Variants in FILIP1L observed in about 807,000 individuals in gnomAD.
FILIP1L encodes filamin A-interacting protein 1-like.
In FILIP1L, 55 loss-of-function variants were observed where a neutral mutation model predicts 96.6. That is an observed-to-expected ratio of 0.57 (90% CI 0.46 to 0.71). The LOEUF is 0.71. FILIP1L is among the 30% of genes least tolerant of loss of function. FILIP1L has a pLI of 0.00. For missense variants in FILIP1L, 1,304 were observed against 1,321.2 expected (o/e 0.99, Z 0.20); for synonymous variants, 467 against 473.9 (o/e 0.99, Z 0.19).
chr3:100,004,350 G>T (rs570518503), intron 1 of FILIP1L, among the ~76,000 whole-genome samples: 94 of 152,212 alleles, frequency 6.2e-4, no homozygotes, highest in African/African-American at 2.1e-3. Flanking sequence ...TCTATTCTCT[G>T]TGTATTGTGA....
At chr3:99,924,530 T>C (rs1411105886) in intron 3 of FILIP1L, 122 bp from the exon 4 acceptor site, 2 of 1,043,500 alleles carry the variant, frequency 1.9e-6, no homozygotes, top group Admixed American at 2.3e-5. Context: ...TTTTGTTTGT[T>C]TGTTTTGAAA....
chr3:99,983,460 GTGTGTATATA>G lies in FILIP1L; in HGVS notation c.-10-52440_-10-52431del, dbSNP rs1406505006. 8.4e-4 allele frequency among the ~76,000 whole-genome samples: 58 copies of G among 69,358 alleles called. 1 individual carries two copies. The highest frequency in any genetic ancestry group is 2.4e-3 in the African/African-American group (23 of 9,652). 45.5% of individuals were successfully genotyped at this position (69,358 alleles called of 152,430 possible). On this transcript the variant is annotated intron_variant, in intron 1 of 5. Coordinates refer to ENST00000477258, the MANE Select transcript of FILIP1L (RefSeq NM_001387850.1). The stretch of plus-strand genomic sequence containing the variant: ...TATATATGTATGTATATATATATAT[GTGTGTATATA>G]TATATATATATATATATATATATAT...
At chr3:100,045,211 C>G (rs2065260255) in intron 1 of FILIP1L, among the ~76,000 whole-genome samples, 1 of 152,210 alleles carries the variant, frequency 6.6e-6, no homozygotes, top group Non-Finnish European at 1.5e-5. Flanking sequence ...GCATCTATAA[C>G]TTGGAAGTAA....
chr3:99,950,166 T>C (rs1231625564), intron 1 of FILIP1L, among the ~76,000 whole-genome samples: 1 of 152,214 alleles, frequency 6.6e-6, no homozygotes, highest in Admixed American at 6.5e-5. Flanking sequence ...TAACTGTAGA[T>C]AGGACTTTTT....
At chr3:100,108,739 A>G (rs1424051087) in intron 1 of FILIP1L, among the ~76,000 whole-genome samples, 1 of 152,174 alleles carries the variant, frequency 6.6e-6, no homozygotes, top group Non-Finnish European at 1.5e-5. Flanking sequence ...AAGTAAGCAA[A>G]TGAACAAATG....
At chr3:99,952,465 T>C (rs1272120638) in intron 1 of FILIP1L, among the ~76,000 whole-genome samples, 2 of 152,166 alleles carry the variant, frequency 1.3e-5, no homozygotes, top group Non-Finnish European at 2.9e-5. Flanking sequence ...TGAGAACCAG[T>C]GTAAAGAATT....
At position 99,983,401 on chromosome 3, in the gene FILIP1L, T is replaced by A. The variant is rs1210840400; in HGVS notation, c.-10-52371A>T. Among the ~76,000 whole-genome samples the A allele has an allele frequency of 2.4e-3, 259 of 109,150 alleles. 3 individuals carry two copies. The highest frequency in any genetic ancestry group is 9.6e-3 in the African/African-American group (247 of 25,638). The allele number at this position is 109,150 out of a possible 152,430, so 71.6% of individuals were successfully genotyped here. Reference sequence around the variant, plus strand: ...AAATAAATAAATAAATATATATATATATATATATATATATATATGTATGTA... The same window carrying A: ...AAATAAATAAATAAATATATATATAAATATATATATATATATATGTATGTA... On this transcript the variant is annotated intron_variant, in intron 1 of 5. Transcript: ENST00000477258.
chr3:100,051,908 ATG>A (rs1259712363), intron 1 of FILIP1L, among the ~76,000 whole-genome samples: 3 of 148,532 alleles, frequency 2.0e-5, no homozygotes, highest in Non-Finnish European at 3.0e-5. Context: ...ATTTATTAAT[ATG>A]TGTTATTAAA....
At chr3:100,015,382 T>C (rs1053563416) in intron 1 of FILIP1L, among the ~76,000 whole-genome samples, 16 of 152,208 alleles carry the variant, frequency 1.1e-4, no homozygotes, top group Admixed American at 7.9e-4. Flanking sequence ...GGTGGTTTCA[T>C]ACGAATTTTA....
intron 1 of FILIP1L, among the ~76,000 whole-genome samples, chr3:100,052,757 A>G (rs2065395772): frequency 6.6e-6 from 1 of 152,172 alleles, no homozygotes; most frequent in South Asian, 2.1e-4. Context: ...CCTCATGTAA[A>G]CCAGTTGTTT....
At chr3:99,893,266 C>T (rs992501998) in intron 4 of FILIP1L, among the ~76,000 whole-genome samples, 14 of 150,512 alleles carry the variant, frequency 9.3e-5, no homozygotes, top group South Asian at 8.5e-4. Context: ...CCCGGGTTCA[C>T]GCCATTCTCC....
In FILIP1L at chr3:100,095,336, G is replaced by A. The variant is rs2066186470; in HGVS notation, c.-11+18717C>T. On this transcript the variant is annotated intron_variant, in intron 1 of 5. Transcript: ENST00000477258. ...CAATTAGGGATAAATCGACGTGTTT[G>A]CTATGTTAAACACAGTTGGCCCTTC... 2.0e-5 allele frequency among the ~76,000 whole-genome samples: 3 copies of A among 152,172 alleles called. No homozygotes were observed. In the South Asian group the frequency reaches 6.2e-4, roughly 32 times the overall value.
At chr3:99,923,586 C>T (rs1254642430) in intron 4 of FILIP1L, among the ~76,000 whole-genome samples, 1 of 152,216 alleles carries the variant, frequency 6.6e-6, no homozygotes, top group Non-Finnish European at 1.5e-5. Flanking sequence ...CTCCCAACCT[C>T]ATGGCTGTTG....
At chr3:99,934,784 G>A (rs150146244) in intron 1 of FILIP1L, among the ~76,000 whole-genome samples, 136 of 152,320 alleles carry the variant, frequency 8.9e-4, no homozygotes, top group African/African-American at 3.1e-3. Flanking sequence ...TCATTTGCCA[G>A]TGATGATATT....
chr3:100,039,784 T>A (rs1462483531), intron 1 of FILIP1L: 1 of 151,656 alleles, frequency 6.6e-6, no homozygotes, highest in Non-Finnish European at 1.5e-5. Flanking sequence ...GATGGAGTCT[T>A]GTTCTGTTGC....
chr3:99,854,802 T>TA (rs1295140645), intron 4 of FILIP1L, among the ~76,000 whole-genome samples: 2 of 152,212 alleles, frequency 1.3e-5, no homozygotes, highest in Non-Finnish European at 2.9e-5. Context: ...TACTCAGCTT[T>TA]AATTAAACAG....
chr3:99,901,084 A>T (rs1381837665), intron 4 of FILIP1L, among the ~76,000 whole-genome samples: 6 of 152,234 alleles, frequency 3.9e-5, no homozygotes, highest in Admixed American at 2.0e-4. Context: ...TTACCAAAGG[A>T]TTAAACTGTA....
chr3:99,885,955 C>G (rs143418494), intron 4 of FILIP1L, among the ~76,000 whole-genome samples: 1 of 152,358 alleles, frequency 6.6e-6, no homozygotes, highest in Non-Finnish European at 1.5e-5. Flanking sequence ...CAACTAGTAG[C>G]ACTCTTTGTG....
rs187628307 is a variant in FILIP1L, at chr3:99,844,267, T to G, written c.3381+4028A>C. On this transcript the variant is annotated intron_variant, in intron 5 of 5. Coordinates refer to ENST00000477258, the MANE Select transcript of FILIP1L (RefSeq NM_001387850.1). ...TTTCTGGGCCCTACGCCCCCAGAGG[T>G]TCTCATTGGATAGCTCTGAGTGGAA... 1.6e-4 allele frequency among the ~76,000 whole-genome samples: 25 copies of G among 152,240 alleles called. No individual in the cohort carries two copies. In the East Asian group the frequency reaches 4.6e-3, roughly 28 times the overall value.
Sources: gnomAD v4.1 joint callset for allele counts (sites outside exome capture counted in the v4.1 genomes callset) on GRCh38, gnomAD v4.1.1 for gene constraint, MANE v1.5 for transcripts, NCBI Gene and HGNC (gene_info 2026-07-23, HGNC 2026-07-21) for gene names.